The following HDAC4 variants were observed in gnomAD, a reference collection of about 807,000 sequenced individuals.
HDAC4 encodes the protein histone deacetylase 4.
HDAC4 carries 16 observed loss-of-function variants against 135.1 expected under a neutral mutation model. The observed-to-expected ratio is 0.12, with a 90% CI of 0.08 to 0.18. HDAC4 has a LOEUF of 0.18. Ranked by LOEUF, HDAC4 falls within the 10% of genes least tolerant of loss-of-function variation. HDAC4 has a pLI of 1.00. For synonymous variants in HDAC4, 685 were observed against 653.4 expected, an observed-to-expected ratio of 1.05 and a Z score of -0.74; for missense variants, 1,143 against 1,511.8, an observed-to-expected ratio of 0.76 and a Z score of 4.05.
rs1182510032 is a variant in HDAC4, at chr2:239,352,134, T to G, written c.22+544A>C. On this transcript the variant is annotated intron_variant, in intron 2 of 26. Coordinates refer to ENST00000543185, the MANE Select transcript of HDAC4 (RefSeq NM_001378414.1). The surrounding 1 kb of genome is among the most constrained non-coding windows in gnomAD (Gnocchi z 4.4). Reference sequence around the variant, plus strand: ...TACCAGCTCTGTGACCTCAGGCAAATTACTTCTTCCCTCCAGGCCTGAGAT... The same window carrying G: ...TACCAGCTCTGTGACCTCAGGCAAAGTACTTCTTCCCTCCAGGCCTGAGAT... Among the ~76,000 whole-genome samples the G allele has an allele frequency of 6.6e-6, 1 of 152,152 alleles. No homozygotes were observed. Among genetic ancestry groups the G allele is most frequent in the Admixed American group, 6.5e-5 (1 of 15,288 alleles).
At chr2:239,324,241 C>T (rs534915479) in intron 2 of HDAC4, among the ~76,000 whole-genome samples, 8 of 152,316 alleles carry the variant, frequency 5.3e-5, no homozygotes, top group African/African-American at 1.9e-4. Flanking sequence ...AAAAATGTAG[C>T]CACAATTAGC....
chr2:239,261,120 G>A (rs1298483383), intron 2 of HDAC4, among the ~76,000 whole-genome samples: 1 of 152,188 alleles, frequency 6.6e-6, no homozygotes, highest in Non-Finnish European at 1.5e-5. Flanking sequence ...TGCCCAGGCT[G>A]GGCTTAAGCC....
At position 239,066,773 on chromosome 2, in the gene HDAC4, G is replaced by T. The variant is rs571230042; in HGVS notation, c.2952C>A (p.Thr984=). The T allele has an allele frequency of 1.2e-6, 2 of 1,613,790 alleles. No homozygotes were observed. Among genetic ancestry groups the T allele is most frequent in the East Asian group, 2.2e-5 (1 of 44,878 alleles). Residue 984 remains threonine (T), a synonymous_variant, in exon 24 of 27, where the codon ACC becomes ACA. Coordinates refer to ENST00000543185, the MANE Select transcript of HDAC4 (RefSeq NM_001378414.1). The part of the protein sequence containing the change: ...VLALEGGHDL[T]AICDASEACV... ...ATGCTTCCGAGGCGTCGCAAATGGC[G>T]GTCAGGTCGTGGCCTCCCTCGAGGG...
At chr2:239,108,365 C>T (rs181214046) in intron 14 of HDAC4, among the ~76,000 whole-genome samples, 182 bp from the exon 15 acceptor site, 58 of 152,292 alleles carry the variant, frequency 3.8e-4, no homozygotes, top group African/African-American at 1.3e-3. Flanking sequence ...GCCCAGAGAA[C>T]GTGGACGAAT....
chr2:239,245,342 G>A lies in HDAC4; in HGVS notation c.23-8678C>T, dbSNP rs2048404675. ...AATCCCAGGACAAAGGACTCAGTGA[G>A]GCGGAGAGTGGGCAGGGGAAATTTC... On this transcript the variant is annotated intron_variant, in intron 2 of 26. Transcript: ENST00000543185. This position sits in a 1 kb window ranked among gnomAD's most constrained non-coding sequence, Gnocchi z 4.4. Among the ~76,000 whole-genome samples the A allele has an allele frequency of 6.6e-6, 1 of 152,244 alleles. No homozygotes were observed. The highest frequency in any genetic ancestry group is 1.5e-5 in the Non-Finnish European group (1 of 68,046).
At chr2:239,140,790 C>A in intron 8 of HDAC4, 1 of 324,886 alleles carries the variant, frequency 3.1e-6, no homozygotes, top group South Asian at 2.4e-5. Context: ...ACGGAGCCAT[C>A]CCCAGCAAAG....
intron 6 of HDAC4, among the ~76,000 whole-genome samples, chr2:239,157,927 A>C (rs1387986602): frequency 2.0e-5 from 3 of 152,282 alleles, no homozygotes; most frequent in African/African-American, 7.2e-5. Flanking sequence ...GAGCTCAGGG[A>C]GCTCCGGAAA....
intron 7 of HDAC4, among the ~76,000 whole-genome samples, chr2:239,151,169 GAACA>G (rs2042095311): frequency 6.6e-6 from 1 of 152,264 alleles, no homozygotes; most frequent in Admixed American, 6.5e-5. Context: ...ACACAGATAA[GAACA>G]AACACTTGTA....
chr2:239,138,793 A>G (rs548424200), intron 9 of HDAC4, among the ~76,000 whole-genome samples: 3 of 152,252 alleles, frequency 2.0e-5, no homozygotes, highest in African/African-American at 7.2e-5. Flanking sequence ...GGCCTGGCAC[A>G]AGGCGCTCGG....
chr2:239,291,290 G>T (rs1374675155), intron 2 of HDAC4, among the ~76,000 whole-genome samples: 2 of 152,220 alleles, frequency 1.3e-5, no homozygotes, highest in Non-Finnish European at 2.9e-5. Flanking sequence ...GCCCGGGCTG[G>T]CCAGGGCCAA....
chr2:239,100,667 G>T (rs2037530634), intron 16 of HDAC4, among the ~76,000 whole-genome samples: 1 of 152,194 alleles, frequency 6.6e-6, no homozygotes, highest in Non-Finnish European at 1.5e-5. Context: ...GATTAGCCGT[G>T]AGTGCCAGCA....
At chr2:239,087,701 C>T in intron 18 of HDAC4, 87 bp from the exon 19 acceptor site, 1 of 1,235,078 alleles carries the variant, frequency 8.1e-7, no homozygotes, top group Non-Finnish European at 1.2e-6. Flanking sequence ...CAACTTTTAG[C>T]AGAGTTGGGC....
At chr2:239,163,218 C>T (rs1230003030) in intron 6 of HDAC4, among the ~76,000 whole-genome samples, 1 of 152,122 alleles carries the variant, frequency 6.6e-6, no homozygotes, top group African/African-American at 2.4e-5. Flanking sequence ...AGAAGTACCA[C>T]GGGGGCTTCC....
rs1350651666 is a variant in HDAC4, at chr2:239,150,447, CACACACACAGATACATAGAAACACAGAT to C, written c.734-5761_734-5734del. On this transcript the variant is annotated intron_variant, in intron 7 of 26. Transcript: ENST00000543185. ...CACACCCCACACACAGAAACACAGA[CACACACACAGATACATAGAAACACAGAT>C]ACACACACAGGTACACACACAGATA... 1.1e-3 allele frequency among the ~76,000 whole-genome samples: 160 copies of C among 152,128 alleles called. 1 individual carries two copies. Among genetic ancestry groups the C allele is most frequent in the Admixed American group, 3.7e-3 (57 of 15,264 alleles).
At chr2:239,105,856 G>A (rs529829027) in intron 15 of HDAC4, among the ~76,000 whole-genome samples, 1 of 152,278 alleles carries the variant, frequency 6.6e-6, no homozygotes, top group Non-Finnish European at 1.5e-5. Context: ...CCCCTGGCAG[G>A]CTGGCACTGG....
At chr2:239,314,898 C>A (rs1309216588) in intron 2 of HDAC4, among the ~76,000 whole-genome samples, 2 of 152,148 alleles carry the variant, frequency 1.3e-5, no homozygotes, top group Non-Finnish European at 2.9e-5. Context: ...TAGTTCAGGT[C>A]GTGATGGGGA....
chr2:239,096,844 ACT>A (rs111388195), intron 16 of HDAC4, among the ~76,000 whole-genome samples: 30,579 of 151,484 alleles, frequency 0.2, 3,223 homozygotes, highest in South Asian at 0.24. Context: ...GGCTCTTCTC[ACT>A]CTGTGGAGGT....
chr2:239,297,254 C>T (rs143522714), intron 2 of HDAC4, among the ~76,000 whole-genome samples: 148 of 152,262 alleles, frequency 9.7e-4, no homozygotes, highest in African/African-American at 3.3e-3. Context: ...AAACCTTGGC[C>T]GCAGGATGAG....
intron 3 of HDAC4, among the ~76,000 whole-genome samples, chr2:239,206,061 G>A (rs893079747): frequency 6.6e-5 from 10 of 152,226 alleles, no homozygotes; most frequent in African/African-American, 2.4e-4. Flanking sequence ...ACACCCAGTG[G>A]CTTACGCCTG....
Sources: allele counts gnomAD v4.1 joint callset (sites outside exome capture counted in the v4.1 genomes callset), GRCh38; gene constraint gnomAD v4.1.1; non-coding constraint Gnocchi (gnomAD v3.1); transcripts MANE v1.5; gene names NCBI Gene and HGNC (gene_info 2026-07-23, HGNC 2026-07-21).